Variants in PDE1C observed in about 807,000 individuals in gnomAD.
The protein encoded by PDE1C is dual specificity calcium/calmodulin-dependent 3',5'-cyclic nucleotide phosphodiesterase 1C.
Under a neutral mutation model 93.1 loss-of-function variants are expected in PDE1C, and 62 were observed. The observed-to-expected ratio is 0.67, with a 90% confidence interval of 0.54 to 0.82. The LOEUF is 0.82. PDE1C is among the 40% of genes least tolerant of loss of function. PDE1C has a pLI of 0.00. For missense variants in PDE1C, 742 were observed against 884.6 expected, an observed-to-expected ratio of 0.84 and a Z score of 2.04; for synonymous variants, 325 against 310.1, an observed-to-expected ratio of 1.05 and a Z score of -0.50.
At chr7:31,639,373 C>A in the PDE1C span, among the ~76,000 whole-genome samples, 14 of 151,420 alleles carry the variant, frequency 9.2e-5, no homozygotes, top group Admixed American at 9.2e-4. Flanking sequence ...CTCTAATCTG[C>A]TATATATATC....
At chr7:31,911,353 C>G (rs1196838767) in intron 2 of PDE1C, among the ~76,000 whole-genome samples, 1 of 152,106 alleles carries the variant, frequency 6.6e-6, no homozygotes, top group Non-Finnish European at 1.5e-5. Flanking sequence ...TGTGGTGCTA[C>G]TTGTGGCCTT....
Position 31,877,946 on chromosome 7 carries a change from G to T in PDE1C, c.492+24C>A, listed in dbSNP as rs367824754. On this transcript the variant is annotated intron_variant, in intron 5 of 17. Coordinates refer to ENST00000396191, the MANE Select transcript of PDE1C (RefSeq NM_001191057.4). ...CTTTTTATTAGGTACCATGTACATT[G>T]TAAAATCTTTTCACTCGTATTACCT... 11 of 1,546,346 alleles carry T rather than the reference G, an allele frequency of 7.1e-6. No individual in the cohort carries two copies. In the African/African-American group the frequency reaches 1.5e-4, roughly 21 times the overall value.
At chr7:32,392,624 A>G (rs2128093349) in intron 1 of PDE1C, among the ~76,000 whole-genome samples, 1 of 152,344 alleles carries the variant, frequency 6.6e-6, no homozygotes, top group African/African-American at 2.4e-5. Context: ...GGAATGCAAG[A>G]TTAGTTTCAC....
intron 5 of PDE1C, among the ~76,000 whole-genome samples, chr7:31,874,885 G>A (rs1796351440): frequency 6.6e-6 from 1 of 152,180 alleles, no homozygotes; most frequent in Admixed American, 6.5e-5. Context: ...TTTTATAGAT[G>A]GCAACCTCAG....
chr7:31,839,486 C>T (rs1048299229), intron 9 of PDE1C, among the ~76,000 whole-genome samples: 7 of 151,610 alleles, frequency 4.6e-5, no homozygotes, highest in African/African-American at 1.7e-4. Context: ...ATTTACAATT[C>T]ATCTATATAG....
intron 1 of PDE1C, among the ~76,000 whole-genome samples, chr7:32,284,593 C>T (rs1811880808): frequency 6.6e-6 from 1 of 152,202 alleles, no homozygotes; most frequent in African/African-American, 2.4e-5. Flanking sequence ...ATCATCCTCA[C>T]ATATCACACT....
chr7:32,229,991 C>A (rs894604342), intron 1 of PDE1C, among the ~76,000 whole-genome samples: 6 of 152,182 alleles, frequency 3.9e-5, no homozygotes, highest in Non-Finnish European at 7.3e-5. Context: ...TTTCTGAAGT[C>A]CAAGCTTAAA....
At chr7:32,410,412 GAAA>G (rs1378807065) in intron 1 of PDE1C, among the ~76,000 whole-genome samples, 1 of 151,788 alleles carries the variant, frequency 6.6e-6, no homozygotes, top group African/African-American at 2.4e-5. Context: ...GGAGGAGGAA[GAAA>G]AAGAAGAGGA....
At chr7:32,279,130 A>T (rs1158518344) in intron 1 of PDE1C, among the ~76,000 whole-genome samples, 1 of 152,248 alleles carries the variant, frequency 6.6e-6, no homozygotes, top group East Asian at 1.9e-4. Context: ...ATACACTAAC[A>T]TAGCGTAGCA....
Position 31,889,773 on chromosome 7 carries a change from T to C in PDE1C, c.129-8913A>G, listed in dbSNP as rs2128896532. The stretch of plus-strand genomic sequence containing the variant: ...GAAGCCTTCTATTCTTATGGTACTC[T>C]AGAAGGTGTTACGACTCAGGGTTAA... On this transcript the variant is annotated intron_variant, in intron 2 of 17. Transcript: ENST00000396191. Among the ~76,000 whole-genome samples, 3 of 152,350 alleles carry C rather than the reference T, an allele frequency of 2.0e-5. 1 individual carries two copies. In the South Asian group the frequency reaches 6.2e-4, roughly 32 times the overall value.
intron 1 of PDE1C, among the ~76,000 whole-genome samples, chr7:32,357,879 G>T (rs1784062328): frequency 6.6e-6 from 1 of 152,114 alleles, no homozygotes; most frequent in African/African-American, 2.4e-5. Context: ...GCATCTTTAG[G>T]CCCAAGATCT....
chr7:32,015,817 T>A (rs1005311222), intron 2 of PDE1C, among the ~76,000 whole-genome samples: 1 of 152,108 alleles, frequency 6.6e-6, no homozygotes, highest in African/African-American at 2.4e-5. Context: ...AATAGGTAAT[T>A]CACACAAGAA....
intron 9 of PDE1C, among the ~76,000 whole-genome samples, chr7:31,842,720 AT>A (rs1257233361): frequency 1.3e-5 from 2 of 151,542 alleles, no homozygotes; most frequent in South Asian, 2.1e-4. Flanking sequence ...AGCTTTCTTA[AT>A]TTTTTCTTTT....
chr7:32,258,090 C>A (rs564117962), intron 1 of PDE1C, among the ~76,000 whole-genome samples: 10 of 152,336 alleles, frequency 6.6e-5, no homozygotes, highest in South Asian at 4.1e-4. Flanking sequence ...CCCAAAGGTA[C>A]AAGACAAATG....
intron 1 of PDE1C, among the ~76,000 whole-genome samples, chr7:32,329,461 G>C (rs1783469707): frequency 6.6e-6 from 1 of 152,122 alleles, no homozygotes; most frequent in Admixed American, 6.5e-5. Context: ...TTTTAATCCA[G>C]TGCAGGTGAC....
At chr7:31,706,945 AAAG>A in the PDE1C span, among the ~76,000 whole-genome samples, 1 of 152,226 alleles carries the variant, frequency 6.6e-6, no homozygotes, top group Non-Finnish European at 1.5e-5. Flanking sequence ...AGCAGAACTT[AAAG>A]AAGAGGATGA....
Position 31,816,060 on chromosome 7 carries a change from G to C in PDE1C, c.1677C>G (p.Gly559=), listed in dbSNP as rs144853377. The change falls in exon 15 of 18, where the codon GGC becomes GGG. Residue 559 remains glycine (G), a synonymous_variant. Transcript: ENST00000396191. ...EMEAKSQAEE[G]ASGKAEKKTS... ...TCTTTTTCTCAGCTTTGCCAGATGC[G>C]CCTTCTTCAGCCTGGCTTTTGGCTT... is the stretch of plus-strand genomic sequence containing the variant. 11 of 1,613,860 alleles carry C rather than the reference G, an allele frequency of 6.8e-6. No homozygotes were observed. Among genetic ancestry groups the C allele is most frequent in the Non-Finnish European group, 9.3e-6 (11 of 1,179,910 alleles).
chr7:31,638,778 CGTTT>C, the PDE1C span, among the ~76,000 whole-genome samples: 14 of 151,800 alleles, frequency 9.2e-5, no homozygotes, highest in South Asian at 4.2e-4. Context: ...TTTTGTTTTT[CGTTT>C]GTTTGTTTTT....
the PDE1C span, among the ~76,000 whole-genome samples, chr7:31,620,346 T>C: frequency 1.3e-5 from 2 of 151,930 alleles, no homozygotes; most frequent in Non-Finnish European, 2.9e-5. Context: ...GCAGCCTAAC[T>C]GGGAGGCACC....
Sources: allele counts gnomAD v4.1 joint callset (sites outside exome capture counted in the v4.1 genomes callset), GRCh38; gene constraint gnomAD v4.1.1; transcripts MANE v1.5; gene names NCBI Gene and HGNC (gene_info 2026-07-23, HGNC 2026-07-21).